The following SPATA12 variants were observed in gnomAD, a reference collection of about 807,000 sequenced individuals.
SPATA12 encodes spermatogenesis associated 12.
For missense variants in SPATA12, 219 were observed against 226.4 expected (o/e 0.97, Z 0.21); for synonymous variants, 85 against 89.2 (o/e 0.95, Z 0.26).
chr3:57,074,312 C>T lies in SPATA12; in HGVS notation c.*45C>T. The T allele has an allele frequency of 6.4e-7, 1 of 1,556,484 alleles. No individual in the cohort carries two copies. The highest frequency in any genetic ancestry group is 8.8e-7 in the Non-Finnish European group (1 of 1,139,104). ...ATCTGAGAGTCTGGCAGCTGTTTGTCTGGGCCTTTGCACATGCTATGCCCT... is the reference window on the plus strand; with the variant it reads ...ATCTGAGAGTCTGGCAGCTGTTTGTTTGGGCCTTTGCACATGCTATGCCCT... On this transcript the variant is annotated 3_prime_UTR_variant, in exon 2 of 2. Transcript: ENST00000334325.
At chr3:57,061,692 T>C (rs1705231093) in intron 1 of SPATA12, among the ~76,000 whole-genome samples, 2 of 152,228 alleles carry the variant, frequency 1.3e-5, no homozygotes, top group Admixed American at 6.5e-5. Context: ...CCTCTATGTT[T>C]AACTCCTGTT....
intron 1 of SPATA12, among the ~76,000 whole-genome samples, chr3:57,065,177 G>A (rs545316736): frequency 2.6e-5 from 4 of 152,266 alleles, no homozygotes; most frequent in East Asian, 1.9e-4. Flanking sequence ...GCAAAAGGCC[G>A]GGCGCAGTGG....
At chr3:57,063,775 T>C (rs759965620) in intron 1 of SPATA12, among the ~76,000 whole-genome samples, 1 of 152,146 alleles carries the variant, frequency 6.6e-6, no homozygotes, top group Non-Finnish European at 1.5e-5. Flanking sequence ...GCACTCACTG[T>C]AGACCTTGGT....
chr3:57,075,231 T>C lies in SPATA12; in HGVS notation c.*964T>C, dbSNP rs1056088385. 2.4e-5 allele frequency: 4 copies of C among 167,140 alleles called. No homozygotes were observed. Among genetic ancestry groups the C allele is most frequent in the African/African-American group, 9.7e-5 (4 of 41,430 alleles). 10.4% of individuals were successfully genotyped at this position (167,140 alleles called of 1,614,324 possible). ...CTCTGGATCTCCTTCCCCAGCTTCA[T>C]CTCCATTACACTGGCCACTCTCCCT... On this transcript the variant is annotated 3_prime_UTR_variant, in exon 2 of 2. Coordinates refer to ENST00000334325, the MANE Select transcript of SPATA12 (RefSeq NM_181727.2).
intron 1 of SPATA12, among the ~76,000 whole-genome samples, chr3:57,067,997 A>T (rs1705658247): frequency 1.3e-5 from 2 of 152,004 alleles, no homozygotes; most frequent in Non-Finnish European, 2.9e-5. Flanking sequence ...CTCAAAAAAA[A>T]CAAAAACAAA....
intron 1 of SPATA12, among the ~76,000 whole-genome samples, chr3:57,067,788 G>T (rs370638597): frequency 6.6e-6 from 1 of 150,572 alleles, no homozygotes; most frequent in African/African-American, 2.4e-5. Flanking sequence ...GAGACCATTG[G>T]CTAACACGGT....
chr3:57,072,467 G>A (rs1290042882), intron 1 of SPATA12, among the ~76,000 whole-genome samples: 1 of 151,612 alleles, frequency 6.6e-6, no homozygotes, highest in African/African-American at 2.4e-5. Flanking sequence ...TAGGCCAGGT[G>A]CGGTGGCTCA....
rs1706049851 is a variant in SPATA12 at position 57,073,536 on chromosome 3, A to G, written c.-159A>G. On this transcript the variant is annotated 5_prime_UTR_variant, in exon 2 of 2. Coordinates refer to ENST00000334325, the MANE Select transcript of SPATA12 (RefSeq NM_181727.2). Reference sequence around the variant, plus strand: ...TGACTGTGGGGTTTGGCTCTGTTTGAGCACCCCGGGATGATTGGTGGTGGG... The same window carrying G: ...TGACTGTGGGGTTTGGCTCTGTTTGGGCACCCCGGGATGATTGGTGGTGGG... 3.2e-5 allele frequency: 40 copies of G among 1,259,528 alleles called. No homozygotes were observed. Among genetic ancestry groups the G allele is most frequent in the Non-Finnish European group, 4.2e-5 (40 of 942,078 alleles). The allele number at this position is 1,259,528 out of a possible 1,614,324, so 78.0% of individuals were successfully genotyped here. A position where few individuals can be genotyped will look rare whatever the true frequency, so the allele number is the denominator to read the frequency against.
At chr3:57,062,259 GGTGA>G (rs1705262460) in intron 1 of SPATA12, among the ~76,000 whole-genome samples, 1 of 152,214 alleles carries the variant, frequency 6.6e-6, no homozygotes, top group African/African-American at 2.4e-5. Context: ...TCTAGCGCTG[GGTGA>G]GTGCCTTCAA....
At position 57,073,938 on chromosome 3, in the gene SPATA12, T is replaced by G; in HGVS notation, c.244T>G (p.Cys82Gly). ...GGGGGATGTGTGCCAAAGTGAGACC[T>G]GTCAGAGATATTTACAAGCAGCCAT... The part of the protein sequence containing the change: ...FQGDVCQSET[C>G]QRYLQAAISL... The change falls in exon 2 of 2, where the codon TGT becomes GGT. Residue 82 changes from cysteine (C) to glycine (G), a missense_variant. Transcript: ENST00000334325. 6.2e-7 allele frequency: 1 copy of G among 1,614,220 alleles called. No homozygotes were observed.
rs375310176 is a variant in SPATA12, at chr3:57,074,095, A to T, written c.401A>T (p.Asp134Val). 4 of 1,613,880 alleles carry T rather than the reference A, an allele frequency of 2.5e-6. No homozygotes were observed. The highest frequency in any genetic ancestry group is 3.4e-6 in the Non-Finnish European group (4 of 1,179,856). ...ACACCTCAATTTCTTGGTATGGAAG[A>T]TGGGGATAATGAGAGGACCACAGGA... Reference protein sequence around the residue: ...NSTPQFLGMEDGDNERTTGWL... With the variant: ...NSTPQFLGMEVGDNERTTGWL... Residue 134 changes from aspartate (D) to valine (V), a missense_variant, in exon 2 of 2, where the codon GAT becomes GTT. Transcript: ENST00000334325.
chr3:57,072,157 G>A (rs1003758005), intron 1 of SPATA12, among the ~76,000 whole-genome samples: 3 of 152,142 alleles, frequency 2.0e-5, no homozygotes, highest in African/African-American at 4.8e-5. Flanking sequence ...TGGAACCCTC[G>A]TGCACTGCTG....
At chr3:57,061,974 T>C (rs189997874) in intron 1 of SPATA12, among the ~76,000 whole-genome samples, 6 of 152,220 alleles carry the variant, frequency 3.9e-5, no homozygotes, top group Admixed American at 6.5e-5. Flanking sequence ...CTACAAGCAT[T>C]TTCTGCCCTG....
Position 57,074,240 on chromosome 3 carries a change from C to T in SPATA12, c.546C>T (p.Ser182=), listed in dbSNP as rs755094383. The T allele has an allele frequency of 1.2e-6, 2 of 1,613,654 alleles. No homozygotes were observed. Among genetic ancestry groups the T allele is most frequent in the Non-Finnish European group, 1.7e-6 (2 of 1,179,896 alleles). The stretch of plus-strand genomic sequence containing the variant: ...TCAGGTCCCTCTCTACAGTATACTC[C>T]AACACACACATACACACACATCTGT... The part of the protein sequence containing the change: ...CFVRSLSTVY[S]NTHIHTHL Residue 182 remains serine, a synonymous_variant, in exon 2 of 2, where the codon TCC becomes TCT. Transcript: ENST00000334325.
At chr3:57,064,785 A>AG (rs1173018373) in intron 1 of SPATA12, among the ~76,000 whole-genome samples, 4 of 152,202 alleles carry the variant, frequency 2.6e-5, no homozygotes, top group African/African-American at 7.2e-5. Context: ...GACTAGGGGC[A>AG]GGGGGGAATG....
At position 57,062,649 on chromosome 3, in the gene SPATA12, C is replaced by G. The variant is rs557461798; in HGVS notation, c.-330+1863C>G. ...AAACACTATGTAGCTGTTTAACAAG[C>G]AGGAATATCTGGTGGGAATGACAGG... On this transcript the variant is annotated intron_variant, in intron 1 of 1. Coordinates refer to ENST00000334325, the MANE Select transcript of SPATA12 (RefSeq NM_181727.2). 2.4e-3 allele frequency among the ~76,000 whole-genome samples: 368 copies of G among 152,192 alleles called. 5 individuals carry two copies. The highest frequency in any genetic ancestry group is 3.8e-3 in the Non-Finnish European group (257 of 67,972).
At chr3:57,067,174 A>G (rs1399305544) in intron 1 of SPATA12, among the ~76,000 whole-genome samples, 3 of 152,150 alleles carry the variant, frequency 2.0e-5, no homozygotes, top group Non-Finnish European at 4.4e-5. Flanking sequence ...TTTGTCGGCC[A>G]GGCGCGGTGG....
At chr3:57,071,808 G>GA (rs1417364262) in intron 1 of SPATA12, among the ~76,000 whole-genome samples, 2 of 151,942 alleles carry the variant, frequency 1.3e-5, no homozygotes, top group Admixed American at 1.3e-4. Context: ...GCACTTCAAA[G>GA]AACACCATCA....
chr3:57,063,475 G>C (rs1386830975), intron 1 of SPATA12, among the ~76,000 whole-genome samples: 1 of 152,176 alleles, frequency 6.6e-6, no homozygotes, highest in Non-Finnish European at 1.5e-5. Flanking sequence ...GACCTGGAGG[G>C]TGGTAGGAGC....
Sources: allele counts gnomAD v4.1 joint callset (sites outside exome capture counted in the v4.1 genomes callset), GRCh38; gene constraint gnomAD v4.1.1; transcripts MANE v1.5; gene names NCBI Gene and HGNC (gene_info 2026-07-23, HGNC 2026-07-21).